The following PRMT3 variants were observed in gnomAD, a reference collection of about 807,000 sequenced individuals.
The protein encoded by PRMT3 is protein arginine N-methyltransferase 3.
PRMT3 carries 62 observed loss-of-function variants against 71.9 expected under a neutral mutation model. That is an observed-to-expected ratio of 0.86 (90% confidence interval 0.70 to 1.07). PRMT3 has a LOEUF of 1.07. Among genes scored for constraint, PRMT3 ranks in the 50% least tolerant of loss-of-function variants. PRMT3 has a pLI of 0.00. For synonymous variants in PRMT3, 213 were observed against 220.4 expected (o/e 0.97, Z 0.30); for missense variants, 663 against 643.0 (o/e 1.03, Z -0.34).
rs569919769 is a variant in PRMT3, at chr11:20,496,755, CTG to C, written c.1486+2503_1486+2504del. ...ACAGTTACCAGGTGGTTATCAATCT[CTG>C]TTTTAAATATTTCATAAATTCTATA... On this transcript the variant is annotated intron_variant, in intron 15 of 15. Transcript: ENST00000331079. 3.6e-3 allele frequency among the ~76,000 whole-genome samples: 544 copies of C among 152,242 alleles called. 2 individuals carry two copies. Among genetic ancestry groups the C allele is most frequent in the Non-Finnish European group, 5.8e-3 (393 of 68,014 alleles).
At chr11:20,449,137 G>A (rs1590072257) in intron 10 of PRMT3, among the ~76,000 whole-genome samples, 1 of 152,122 alleles carries the variant, frequency 6.6e-6, no homozygotes. Flanking sequence ...ATGACCATTA[G>A]CAATACGTAT....
chr11:20,447,240 T>C (rs1416275443), intron 10 of PRMT3, among the ~76,000 whole-genome samples: 1 of 151,804 alleles, frequency 6.6e-6, no homozygotes, highest in African/African-American at 2.4e-5. Context: ...AGAACAGTGG[T>C]TTTCAATGGG....
At chr11:20,464,796 T>C (rs913140981) in intron 13 of PRMT3, among the ~76,000 whole-genome samples, 1 of 152,222 alleles carries the variant, frequency 6.6e-6, no homozygotes, top group Non-Finnish European at 1.5e-5. Context: ...GTCTTCATTA[T>C]TTCCTATCAC....
chr11:20,444,696 C>T (rs1849984310), intron 10 of PRMT3, among the ~76,000 whole-genome samples: 1 of 152,132 alleles, frequency 6.6e-6, no homozygotes, highest in Admixed American at 6.5e-5. Context: ...GAATGTTCCA[C>T]ATTGATTTAG....
intron 9 of PRMT3, 128 bp downstream of exon 9, chr11:20,408,160 A>G (rs1318914091): frequency 1.6e-5 from 9 of 557,556 alleles, no homozygotes; most frequent in Non-Finnish European, 2.2e-5. Flanking sequence ...AATTCACTCC[A>G]GAATAATAAG....
chr11:20,409,439 C>G (rs994854799), intron 9 of PRMT3, among the ~76,000 whole-genome samples: 1 of 152,130 alleles, frequency 6.6e-6, no homozygotes, highest in African/African-American at 2.4e-5. Flanking sequence ...TGTTGCCCAG[C>G]ACATAGTAAA....
chr11:20,421,041 G>T (rs919672813), intron 9 of PRMT3, among the ~76,000 whole-genome samples: 20 of 151,940 alleles, frequency 1.3e-4, no homozygotes, highest in African/African-American at 4.6e-4. Context: ...ATTATTTTTT[G>T]TTTGTTTGTT....
intron 10 of PRMT3, among the ~76,000 whole-genome samples, chr11:20,430,077 A>G (rs1028820501): frequency 2.0e-5 from 3 of 152,214 alleles, no homozygotes; most frequent in Non-Finnish European, 2.9e-5. Context: ...GTAAACAACT[A>G]TTTTAAATCT....
At chr11:20,397,831 A>G in intron 7 of PRMT3, 110 bp downstream of exon 7, 1 of 1,160,036 alleles carries the variant, frequency 8.6e-7, no homozygotes, top group Non-Finnish European at 1.2e-6. Context: ...GGGTGGGGAG[A>G]ACTGCTTTTT....
intron 11 of PRMT3, among the ~76,000 whole-genome samples, chr11:20,453,795 T>A (rs1397738134): frequency 6.6e-6 from 1 of 152,100 alleles, no homozygotes; most frequent in African/African-American, 2.4e-5. Flanking sequence ...CTGCAGTGTT[T>A]CAGATTTTGT....
intron 9 of PRMT3, among the ~76,000 whole-genome samples, chr11:20,411,052 G>A (rs761348022): frequency 6.6e-6 from 1 of 152,066 alleles, no homozygotes; most frequent in Non-Finnish European, 1.5e-5. Context: ...ACTCAGCTAA[G>A]TAAGCACATA....
At chr11:20,396,077 T>A in intron 6 of PRMT3, 115 bp downstream of exon 6, 1 of 893,806 alleles carries the variant, frequency 1.1e-6, no homozygotes, top group Non-Finnish European at 1.7e-6. Flanking sequence ...ATGTAGATAT[T>A]TTATCTTCAT....
At chr11:20,504,008 T>C (rs1455872194) in intron 15 of PRMT3, among the ~76,000 whole-genome samples, 1 of 152,198 alleles carries the variant, frequency 6.6e-6, no homozygotes, top group African/African-American at 2.4e-5. Context: ...GATGCAGTAT[T>C]TTAAGCCGTT....
At chr11:20,398,012 TAA>T (rs11424785) in intron 7 of PRMT3, among the ~76,000 whole-genome samples, 8 of 121,686 alleles carry the variant, frequency 6.6e-5, no homozygotes, top group African/African-American at 1.5e-4. Context: ...TGTCTCTATT[TAA>T]AAAAAAAAAA....
chr11:20,489,372 A>C (rs1851154504), intron 13 of PRMT3, among the ~76,000 whole-genome samples: 1 of 152,144 alleles, frequency 6.6e-6, no homozygotes, highest in African/African-American at 2.4e-5. Flanking sequence ...ACAAAGGAGA[A>C]ATTTCTTCTG....
At chr11:20,389,378 G>C (rs894953274) in intron 2 of PRMT3, among the ~76,000 whole-genome samples, 1 of 152,212 alleles carries the variant, frequency 6.6e-6, no homozygotes, top group Admixed American at 6.5e-5. Flanking sequence ...AAGCAGAGTT[G>C]ACACTTAGAG....
chr11:20,435,211 G>T lies in PRMT3; in HGVS notation c.993+8346G>T, dbSNP rs1169719447. Among the ~76,000 whole-genome samples the T allele has an allele frequency of 4.6e-5, 7 of 151,150 alleles. No homozygotes were observed. In the East Asian group the frequency reaches 1.4e-3, roughly 31 times the overall value. ...TTAAATATTTAATCCATTTTTAGTT[G>T]ATATTTTTTTAATTCATTTATTTTC... On this transcript the variant is annotated intron_variant, in intron 10 of 15. Coordinates refer to ENST00000331079, the MANE Select transcript of PRMT3 (RefSeq NM_005788.4).
At position 20,452,225 on chromosome 11, in the gene PRMT3, G is replaced by C. The variant is rs757161725; in HGVS notation, c.1072+17G>C. 1 of 1,567,702 alleles carries C rather than the reference G, an allele frequency of 6.4e-7. No homozygotes were observed. The highest frequency in any genetic ancestry group is 2.2e-5 in the East Asian group (1 of 44,538). ...GAGGCTCGGGTGAGTATAAAATTCT[G>C]GTTTTAATAATCTAATTTTAGTCTA... is the stretch of plus-strand genomic sequence containing the variant. On this transcript the variant is annotated intron_variant, in intron 11 of 15. Transcript: ENST00000331079.
intron 9 of PRMT3, among the ~76,000 whole-genome samples, chr11:20,408,850 T>C (rs890677107): frequency 6.6e-6 from 1 of 152,136 alleles, no homozygotes; most frequent in Non-Finnish European, 1.5e-5. Flanking sequence ...TCCCAGCACT[T>C]TGGGAGGCTG....
Sources: gnomAD v4.1 joint callset for allele counts (sites outside exome capture counted in the v4.1 genomes callset) on GRCh38, gnomAD v4.1.1 for gene constraint, MANE v1.5 for transcripts, NCBI Gene and HGNC (gene_info 2026-07-23, HGNC 2026-07-21) for gene names.